Variants in GALNT13 observed in about 807,000 individuals in gnomAD.
GALNT13 encodes the protein polypeptide N-acetylgalactosaminyltransferase 13, also known as UDP-GalNAc:polypeptide N-acetylgalactosaminyltransferase 13.
A neutral mutation model predicts 64.2 loss-of-function variants in GALNT13; 28 were observed. The ratio of observed to expected loss-of-function variants is 0.44; its 90% CI spans 0.32 to 0.60. The LOEUF is 0.60. Ranked by LOEUF, GALNT13 falls within the 20% of genes least tolerant of loss-of-function variation. The pLI is 0.05. For synonymous variants in GALNT13, 214 were observed against 224.6 expected (o/e 0.95, Z 0.42); for missense variants, 577 against 669.8 (o/e 0.86, Z 1.53).
At chr2:154,242,226 GTTTT>G (rs759260336) in intron 5 of GALNT13, 30 bp downstream of exon 5, 6 of 1,589,348 alleles carry the variant, frequency 3.8e-6, no homozygotes, top group Non-Finnish European at 4.3e-6. Flanking sequence ...TTTTGTTTTT[GTTTT>G]TTTGTTTTGT....
intron 3 of GALNT13, among the ~76,000 whole-genome samples, chr2:154,115,571 C>G (rs1435641886): frequency 6.6e-6 from 1 of 152,076 alleles, no homozygotes; most frequent in Non-Finnish European, 1.5e-5. Flanking sequence ...CAGGCACCCA[C>G]CATGACACAT....
intron 3 of GALNT13, among the ~76,000 whole-genome samples, chr2:153,968,081 C>G (rs2105116769): frequency 6.6e-6 from 1 of 152,226 alleles, no homozygotes; most frequent in Admixed American, 6.5e-5. Flanking sequence ...ACTTGGCCAC[C>G]ACAGCTGGTG....
At chr2:153,641,010 G>C in the GALNT13 span, among the ~76,000 whole-genome samples, 2 of 152,032 alleles carry the variant, frequency 1.3e-5, 1 homozygote, top group South Asian at 4.1e-4. Context: ...ATCTCTTTCA[G>C]CAGTTTTAGT....
chr2:153,710,849 A>T, the GALNT13 span, among the ~76,000 whole-genome samples: 1 of 151,824 alleles, frequency 6.6e-6, no homozygotes, highest in Admixed American at 6.6e-5. Context: ...TGTGTATTTT[A>T]TTTTTTTTAA....
intron 9 of GALNT13, among the ~76,000 whole-genome samples, chr2:154,328,625 T>G (rs941556292): frequency 2.6e-5 from 4 of 152,106 alleles, no homozygotes; most frequent in Non-Finnish European, 4.4e-5. Context: ...ACCCTACATC[T>G]ACTGAATCAA....
At chr2:154,011,300 G>T (rs912714582) in intron 3 of GALNT13, among the ~76,000 whole-genome samples, 1 of 152,050 alleles carries the variant, frequency 6.6e-6, no homozygotes, top group East Asian at 1.9e-4. Flanking sequence ...TGTTTTCAAA[G>T]AAATTCTTGA....
At chr2:153,953,765 T>C (rs1274843991) in intron 3 of GALNT13, among the ~76,000 whole-genome samples, 2 of 152,124 alleles carry the variant, frequency 1.3e-5, no homozygotes, top group African/African-American at 4.8e-5. Context: ...TGCAGATAAT[T>C]AGTAAGACAG....
At chr2:153,425,629 C>T in the GALNT13 span, among the ~76,000 whole-genome samples, 2 of 151,754 alleles carry the variant, frequency 1.3e-5, no homozygotes, top group African/African-American at 4.8e-5. Flanking sequence ...CATATTAAGT[C>T]TATGAGAAAA....
chr2:153,909,246 T>C (rs1459485735), intron 2 of GALNT13, among the ~76,000 whole-genome samples: 6 of 152,100 alleles, frequency 3.9e-5, no homozygotes, highest in African/African-American at 7.2e-5. Context: ...CATTTTTTGC[T>C]AGTTTGTACA....
the GALNT13 span, among the ~76,000 whole-genome samples, chr2:153,644,717 T>G: frequency 5.3e-5 from 8 of 152,042 alleles, 1 homozygote; most frequent in African/African-American, 1.9e-4. Flanking sequence ...TTATCGTAAA[T>G]TCCTACTACG....
chr2:153,663,463 G>T, the GALNT13 span, among the ~76,000 whole-genome samples: 117 of 152,220 alleles, frequency 7.7e-4, no homozygotes, highest in African/African-American at 2.7e-3. Flanking sequence ...AAAAAAAAGT[G>T]AAAAGAAAAT....
chr2:154,092,286 A>G (rs987582434), intron 3 of GALNT13, among the ~76,000 whole-genome samples: 1 of 151,964 alleles, frequency 6.6e-6, no homozygotes, highest in Non-Finnish European at 1.5e-5. Flanking sequence ...TGCTGTCTTT[A>G]GAGCTAATGT....
At chr2:153,142,118 T>C in the GALNT13 span, among the ~76,000 whole-genome samples, 1 of 152,098 alleles carries the variant, frequency 6.6e-6, no homozygotes, top group Non-Finnish European at 1.5e-5. Context: ...TATCGGTCTT[T>C]ATGACCAAAA....
At chr2:153,498,448 G>C in the GALNT13 span, among the ~76,000 whole-genome samples, 1 of 152,208 alleles carries the variant, frequency 6.6e-6, no homozygotes, top group African/African-American at 2.4e-5. Flanking sequence ...GAGCAGCTAG[G>C]GGTATGTAGG....
At chr2:153,742,988 G>T in the GALNT13 span, among the ~76,000 whole-genome samples, 3 of 118,664 alleles carry the variant, frequency 2.5e-5, no homozygotes, top group Middle Eastern at 4.9e-3. Flanking sequence ...AGGAGAAGTG[G>T]GGGGGGAGAG....
chr2:153,938,719 C>T (rs1038847519), intron 2 of GALNT13, among the ~76,000 whole-genome samples: 3 of 152,106 alleles, frequency 2.0e-5, no homozygotes, highest in Non-Finnish European at 4.4e-5. Context: ...GGTAAATGGA[C>T]GCCTTCTCTC....
the GALNT13 span, among the ~76,000 whole-genome samples, chr2:153,303,258 T>C: frequency 2.0e-5 from 3 of 152,146 alleles, no homozygotes; most frequent in Non-Finnish European, 4.4e-5. Context: ...GTCTTTCACC[T>C]CCTTGGTGAA....
intron 9 of GALNT13, among the ~76,000 whole-genome samples, chr2:154,312,136 T>G (rs1342906254): frequency 1.3e-5 from 2 of 152,126 alleles, no homozygotes; most frequent in Non-Finnish European, 2.9e-5. Flanking sequence ...ATTGGGGAAG[T>G]GATAAGTGTC....
the GALNT13 span, among the ~76,000 whole-genome samples, chr2:153,637,001 G>T: frequency 4.6e-5 from 7 of 152,068 alleles, no homozygotes; most frequent in South Asian, 8.3e-4. Flanking sequence ...CAAATATAAG[G>T]TATATTTTAT....
Sources: gnomAD v4.1 joint callset for allele counts (sites outside exome capture counted in the v4.1 genomes callset) on GRCh38, gnomAD v4.1.1 for gene constraint, MANE v1.5 for transcripts, NCBI Gene and HGNC (gene_info 2026-07-23, HGNC 2026-07-21) for gene names.